IKBKB: variants seen among roughly 807,000 people sequenced by gnomAD.
IKBKB encodes inhibitor of nuclear factor kappa B kinase subunit beta.
In IKBKB, 42 loss-of-function variants were observed where a neutral mutation model predicts 113.6. The observed-to-expected ratio is 0.37, with a 90% CI of 0.29 to 0.48. The LOEUF (loss-of-function observed/expected upper bound fraction) is 0.48, where lower values mean the gene tolerates loss of function less well. IKBKB is among the 20% of genes least tolerant of loss of function. IKBKB has a pLI of 0.99. For missense variants in IKBKB, 673 were observed against 939.7 expected (o/e 0.72, Z 3.71); for synonymous variants, 296 against 361.3 (o/e 0.82, Z 2.05).
chr8:42,321,692 A>T (rs554896044), intron 16 of IKBKB: 36 of 347,546 alleles, frequency 1.0e-4, no homozygotes, highest in East Asian at 5.2e-4. Flanking sequence ...CAGCTAATTT[A>T]AAAAAAAAAT....
chr8:42,320,988 C>A (rs1035272526), intron 16 of IKBKB, 144 bp downstream of exon 16: 4 of 520,840 alleles, frequency 7.7e-6, no homozygotes, highest in Non-Finnish European at 1.3e-5. Flanking sequence ...TCCAGCAAAT[C>A]ATCACTGAGC....
chr8:42,275,864 C>T (rs370622475), intron 2 of IKBKB, among the ~76,000 whole-genome samples: 4 of 151,560 alleles, frequency 2.6e-5, no homozygotes, highest in South Asian at 2.1e-4. Flanking sequence ...TTTTTTGAGA[C>T]GGAGTCTTGC....
In IKBKB at chr8:42,318,689, C is replaced by G. The variant is rs551122852; in HGVS notation, c.1364+14C>G. 2.6e-6 allele frequency: 4 copies of G among 1,565,056 alleles called. No individual in the cohort carries two copies. The South Asian group carries it at 4.7e-5, about 18-fold the overall frequency. ...GCGAGCCGCCATGTAGCGTGCCAGG[C>G]TTTTTTTTTAAACTTAATTTATTTA... On this transcript the variant is annotated intron_variant, in intron 13 of 21. Transcript: ENST00000520810.
intron 5 of IKBKB, among the ~76,000 whole-genome samples, chr8:42,299,339 C>T (rs949676320): frequency 1.3e-5 from 2 of 152,162 alleles, no homozygotes; most frequent in Non-Finnish European, 1.5e-5. Context: ...CCTCCTTAAC[C>T]CTGTGTGCTA....
intron 5 of IKBKB, among the ~76,000 whole-genome samples, chr8:42,301,026 A>T (rs934292894): frequency 1.9e-4 from 28 of 147,272 alleles, no homozygotes; most frequent in Middle Eastern, 3.5e-3. Context: ...GCTAATTAAA[A>T]TTTTTTTTTT....
intron 2 of IKBKB, among the ~76,000 whole-genome samples, chr8:42,281,477 G>T (rs1451329778): frequency 6.6e-6 from 1 of 152,194 alleles, no homozygotes; most frequent in Non-Finnish European, 1.5e-5. Context: ...GGACCTGCTT[G>T]TCTCCTGAGC....
chr8:42,271,352 T>C lies in IKBKB; in HGVS notation c.-136T>C. ...AGGAAGTCGCGCCGCGCTGCCCGCG[T>C]TAAGATTCCCGCATTTTAATGTTTT... is the stretch of plus-strand genomic sequence containing the variant. On this transcript the variant is annotated 5_prime_UTR_variant, in exon 1 of 22. Transcript: ENST00000520810. 2 of 1,390,000 alleles carry C rather than the reference T, an allele frequency of 1.4e-6. No individual in the cohort carries two copies. Among genetic ancestry groups the C allele is most frequent in the Middle Eastern group, 1.8e-4 (1 of 5,698 alleles). 86.1% of individuals were successfully genotyped at this position (1,390,000 alleles called of 1,614,324 possible).
At chr8:42,303,090 A>AGAAAG (rs1815668991) in intron 5 of IKBKB, among the ~76,000 whole-genome samples, 3 of 101,164 alleles carry the variant, frequency 3.0e-5, no homozygotes, top group Non-Finnish European at 4.0e-5. Flanking sequence ...AGAGAGAGAG[A>AGAAAG]ATGAGAGAGA....
intron 2 of IKBKB, among the ~76,000 whole-genome samples, chr8:42,287,200 T>C (rs1312129135): frequency 6.6e-6 from 1 of 152,148 alleles, no homozygotes; most frequent in African/African-American, 2.4e-5. Flanking sequence ...GTGTCCCCAC[T>C]CATGCACCAG....
intron 9 of IKBKB, 23 bp downstream of exon 9, chr8:42,314,452 G>A (rs745629184): frequency 2.2e-5 from 31 of 1,394,754 alleles, no homozygotes; most frequent in Middle Eastern, 1.8e-4. Flanking sequence ...GGCATTACAC[G>A]AATACATATC....
intron 4 of IKBKB, among the ~76,000 whole-genome samples, chr8:42,291,123 C>T (rs932168249): frequency 1.3e-5 from 2 of 152,212 alleles, no homozygotes; most frequent in African/African-American, 4.8e-5. Flanking sequence ...CAGGCCACCT[C>T]TCCATCTCTG....
Position 42,272,211 on chromosome 8 carries a change from C to A in IKBKB, c.105+6C>A. 3 of 1,614,118 alleles carry A rather than the reference C, an allele frequency of 1.9e-6. No homozygotes were observed. The highest frequency in any genetic ancestry group is 2.2e-5 in the South Asian group (2 of 91,084). On this transcript the variant is annotated splice_donor_region_variant and intron_variant, in intron 2 of 21. Transcript: ENST00000520810. The stretch of plus-strand genomic sequence containing the variant: ...TCATCCGATGGCACAATCAGGTAGG[C>A]CCTCTGTGCAGCTTGGGGAGGGGCG...
Position 42,308,895 on chromosome 8 carries a change from C to T in IKBKB, c.568-6C>T. ...AGCTCAGGTGTACCCCCTCCTGTTG[C>T]TGCAGGCCCCAGAGCTACTGGAGCA... On this transcript the variant is annotated splice_polypyrimidine_tract_variant and splice_region_variant and intron_variant, in intron 7 of 21. Transcript: ENST00000520810. 1 of 1,613,752 alleles carries T rather than the reference C, an allele frequency of 6.2e-7. No individual in the cohort carries two copies. The highest frequency in any genetic ancestry group is 8.5e-7 in the Non-Finnish European group (1 of 1,179,766).
intron 5 of IKBKB, among the ~76,000 whole-genome samples, chr8:42,302,675 ATTCAGTTGT>A (rs2130483377): frequency 6.6e-6 from 1 of 152,242 alleles, no homozygotes; most frequent in South Asian, 2.1e-4. Context: ...ATTTATAAAA[ATTCAGTTGT>A]TTCATATAAG....
At chr8:42,284,643 A>G (rs1278987635) in intron 2 of IKBKB, among the ~76,000 whole-genome samples, 1 of 151,824 alleles carries the variant, frequency 6.6e-6, no homozygotes, top group African/African-American at 2.4e-5. Context: ...TCATTGAATT[A>G]TGGAAAACTG....
At position 42,322,044 on chromosome 8, in the gene IKBKB, C is replaced by T; in HGVS notation, c.1739-10C>T. ...TCCTTGAGGAACTATGCTACCCTCC[C>T]TCTCTCCAGACCAGCGAACTGAGGG... On this transcript the variant is annotated splice_polypyrimidine_tract_variant and intron_variant, in intron 17 of 21. Coordinates refer to ENST00000520810, the MANE Select transcript of IKBKB (RefSeq NM_001556.3). 6.2e-7 allele frequency: 1 copy of T among 1,612,416 alleles called. No individual in the cohort carries two copies. The highest frequency in any genetic ancestry group is 8.5e-7 in the Non-Finnish European group (1 of 1,178,536).
At chr8:42,317,588 T>C (rs977655286) in intron 11 of IKBKB, 69 bp from the exon 12 acceptor site, 1 of 1,035,384 alleles carries the variant, frequency 9.7e-7, no homozygotes, top group South Asian at 1.3e-5. Context: ...GCTGTGGAAC[T>C]TCTTCATTAT....
At chr8:42,329,467 C>T (rs943322497) in intron 21 of IKBKB, 11 of 780,290 alleles carry the variant, frequency 1.4e-5, no homozygotes, top group African/African-American at 3.8e-5. Flanking sequence ...GGACTACAGG[C>T]GTGCGTCACC....
At chr8:42,306,226 A>G (rs1383867683) in intron 6 of IKBKB, 117 bp from the exon 7 acceptor site, 2 of 658,764 alleles carry the variant, frequency 3.0e-6, no homozygotes, top group Admixed American at 4.6e-5. Context: ...GGAGTTTGGG[A>G]TCTAATAGTA....
Sources: allele counts gnomAD v4.1 joint callset (sites outside exome capture counted in the v4.1 genomes callset), GRCh38; gene constraint gnomAD v4.1.1; transcripts MANE v1.5; gene names NCBI Gene and HGNC (gene_info 2026-07-23, HGNC 2026-07-21).